DYM: variants seen among roughly 807,000 people sequenced by gnomAD.
DYM encodes the protein dymeclin, also known as dyggve-Melchior-Clausen syndrome protein.
In DYM, 78 loss-of-function variants were observed where a neutral mutation model predicts 93.1. The ratio of observed to expected loss-of-function variants is 0.84; its 90% CI spans 0.70 to 1.01. The LOEUF is 1.01. DYM is among the 50% of genes least tolerant of loss of function. The pLI, the probability that DYM is intolerant of heterozygous loss-of-function variation, is 0.00. For missense variants in DYM, 789 were observed against 845.0 expected, an observed-to-expected ratio of 0.93 and a Z score of 0.82; for synonymous variants, 321 against 319.7, an observed-to-expected ratio of 1.00 and a Z score of -0.04.
chr18:49,373,636 G>A (rs1489536273), intron 5 of DYM, among the ~76,000 whole-genome samples: 2 of 152,138 alleles, frequency 1.3e-5, no homozygotes, highest in African/African-American at 4.8e-5. Context: ...AACTGTCTGG[G>A]AATATAGCCT....
intron 17 of DYM, among the ~76,000 whole-genome samples, chr18:49,060,492 T>A (rs1157374647): frequency 6.6e-6 from 1 of 151,296 alleles, no homozygotes; most frequent in Admixed American, 6.6e-5. Flanking sequence ...TGGCTGGACA[T>A]GGGTTTGGAT....
intron 16 of DYM, among the ~76,000 whole-genome samples, chr18:49,101,621 G>C (rs1272964796): frequency 6.6e-6 from 1 of 152,124 alleles, no homozygotes; most frequent in Non-Finnish European, 1.5e-5. Context: ...ACTCTCCTAA[G>C]AGGTAGAAGT....
intron 15 of DYM, among the ~76,000 whole-genome samples, chr18:49,129,833 C>G (rs1485261452): frequency 1.3e-5 from 2 of 152,046 alleles, no homozygotes; most frequent in Admixed American, 1.3e-4. Flanking sequence ...GGCAGCAAAC[C>G]CTCTTGGCCT....
At chr18:49,347,921 G>A (rs2064740582) in intron 6 of DYM, among the ~76,000 whole-genome samples, 1 of 152,130 alleles carries the variant, frequency 6.6e-6, no homozygotes, top group African/African-American at 2.4e-5. Context: ...ACCTTAAAAA[G>A]CCAAAATACT....
At position 49,203,039 on chromosome 18, in the gene DYM, C is replaced by T. The variant is rs1171929048; in HGVS notation, c.1625+6512G>A. 2.1e-3 allele frequency among the ~76,000 whole-genome samples: 28 copies of T among 13,124 alleles called. 4 individuals are homozygous for T. Among genetic ancestry groups the T allele is most frequent in the African/African-American group, 4.8e-3 (28 of 5,842 alleles). The allele number at this position is 13,124 out of a possible 152,430, so 8.6% of individuals were successfully genotyped here. A position where few individuals can be genotyped will look rare whatever the true frequency, so the allele number is the denominator to read the frequency against. On this transcript the variant is annotated intron_variant, in intron 14 of 17. Transcript: ENST00000675505. Reference sequence around the variant, plus strand: ...CCCCCGCCTGGCCGGCCGTGCCGTCCGGGAGGGAGGTTGGGGGGTCAGCCC... The same window carrying T: ...CCCCCGCCTGGCCGGCCGTGCCGTCTGGGAGGGAGGTTGGGGGGTCAGCCC...
chr18:49,149,709 T>G lies in DYM; in HGVS notation c.1728+13976A>C, dbSNP rs960346425. On this transcript the variant is annotated intron_variant, in intron 15 of 17. Transcript: ENST00000675505. The stretch of plus-strand genomic sequence containing the variant: ...CAAGCACCATTACAAAGTGTTTTTT[T>G]TTTTTTTTTTTTTTTTGAGATGGAA... 4.9e-4 allele frequency among the ~76,000 whole-genome samples: 69 copies of G among 140,768 alleles called. 1 individual carries two copies. Among genetic ancestry groups the G allele is most frequent in the Non-Finnish European group, 9.3e-4 (60 of 64,864 alleles). The allele number at this position is 140,768 out of a possible 152,430, so 92.3% of individuals were successfully genotyped here. A position where few individuals can be genotyped will look rare whatever the true frequency, so the allele number is the denominator to read the frequency against.
At chr18:49,234,924 G>A (rs758575435) in intron 13 of DYM, among the ~76,000 whole-genome samples, 1 of 152,180 alleles carries the variant, frequency 6.6e-6, no homozygotes, top group Non-Finnish European at 1.5e-5. Flanking sequence ...GGACCAGAGA[G>A]AGGTTTCCAG....
intron 14 of DYM, among the ~76,000 whole-genome samples, chr18:49,165,254 A>T (rs1389786499): frequency 6.6e-6 from 1 of 152,186 alleles, no homozygotes; most frequent in African/African-American, 2.4e-5. Flanking sequence ...TGTGCCTAAT[A>T]AAAGAACTTC....
intron 13 of DYM, among the ~76,000 whole-genome samples, chr18:49,224,646 G>A (rs2093468271): frequency 6.6e-6 from 1 of 152,002 alleles, no homozygotes; most frequent in Non-Finnish European, 1.5e-5. Flanking sequence ...ACCATGGGAA[G>A]ACAAGAGAAA....
At chr18:49,236,033 C>CT (rs1302359079) in intron 13 of DYM, among the ~76,000 whole-genome samples, 4 of 152,082 alleles carry the variant, frequency 2.6e-5, no homozygotes, top group Non-Finnish European at 4.4e-5. Context: ...TTTGTTTCAA[C>CT]TTTTTTGTTC....
rs144103927 is a variant in DYM at position 49,450,476 on chromosome 18, T to C, written c.-54+9922A>G. Among the ~76,000 whole-genome samples the C allele has an allele frequency of 5.9e-5, 9 of 152,338 alleles. No individual in the cohort carries two copies. In the East Asian group the frequency reaches 1.7e-3, roughly 29 times the overall value. ...ATTTTGGCAAAATAAATAATGGCAA[T>C]TTGGAATTCTATTTCATAACATCAA... On this transcript the variant is annotated intron_variant, in intron 1 of 17. Coordinates refer to ENST00000675505, the MANE Select transcript of DYM (RefSeq NM_001353214.3).
intron 17 of DYM, among the ~76,000 whole-genome samples, chr18:49,070,477 G>C (rs1288796): frequency 6.6e-6 from 1 of 152,156 alleles, no homozygotes; most frequent in South Asian, 2.1e-4. Context: ...TTCTGTCCAC[G>C]GCCATTCTTC....
At chr18:49,428,643 G>A (rs189864756) in intron 2 of DYM, among the ~76,000 whole-genome samples, 143 of 152,254 alleles carry the variant, frequency 9.4e-4, no homozygotes, top group African/African-American at 3.2e-3. Context: ...CAGAGATCGC[G>A]CCACTGAACT....
rs533137918 is a variant in DYM, at chr18:49,181,418, T to C, written c.1626-17631A>G. ...GAGACACAAACCAGCTGGTTTATAA[T>C]AGAATTGTCCAGAGTCCCCACAATA... On this transcript the variant is annotated intron_variant, in intron 14 of 17. Coordinates refer to ENST00000675505, the MANE Select transcript of DYM (RefSeq NM_001353214.3). Among the ~76,000 whole-genome samples, 7 of 152,238 alleles carry C rather than the reference T, an allele frequency of 4.6e-5. No homozygotes were observed. In the South Asian group the frequency reaches 1.2e-3, roughly 27 times the overall value.
At chr18:49,409,064 C>CA (rs1362557579) in intron 2 of DYM, among the ~76,000 whole-genome samples, 1 of 152,110 alleles carries the variant, frequency 6.6e-6, no homozygotes, top group Non-Finnish European at 1.5e-5. Context: ...GCAGGTGGAT[C>CA]ACCTGAGGTC....
intron 8 of DYM, among the ~76,000 whole-genome samples, chr18:49,309,446 G>C (rs1054833865): frequency 5.9e-5 from 9 of 152,100 alleles, no homozygotes; most frequent in African/African-American, 2.2e-4. Context: ...ACCAGCCTGG[G>C]CAACACAGCA....
intron 15 of DYM, among the ~76,000 whole-genome samples, chr18:49,152,772 A>G (rs1185411065): frequency 6.6e-6 from 1 of 152,216 alleles, no homozygotes; most frequent in Non-Finnish European, 1.5e-5. Flanking sequence ...GCATATCCAC[A>G]ATGGAATATC....
intron 1 of DYM, among the ~76,000 whole-genome samples, chr18:49,433,253 T>A (rs187658916): frequency 1.2e-3 from 182 of 152,278 alleles, no homozygotes; most frequent in African/African-American, 4.0e-3. Flanking sequence ...GTAGGAGAAT[T>A]TGGAAGCAAT....
intron 2 of DYM, among the ~76,000 whole-genome samples, chr18:49,407,087 A>G (rs1395856635): frequency 1.3e-5 from 2 of 152,220 alleles, no homozygotes; most frequent in African/African-American, 2.4e-5. Context: ...GAAAGAAAAG[A>G]GCCCTTCTCA....
Sources: gnomAD v4.1 joint callset for allele counts (sites outside exome capture counted in the v4.1 genomes callset) on GRCh38, gnomAD v4.1.1 for gene constraint, MANE v1.5 for transcripts, NCBI Gene and HGNC (gene_info 2026-07-23, HGNC 2026-07-21) for gene names.